PPM1L: variants seen among roughly 807,000 people sequenced by gnomAD.
The protein encoded by PPM1L is protein phosphatase, Mg2+/Mn2+ dependent 1L, also known as protein phosphatase 1L.
In PPM1L, 13 loss-of-function variants were observed where a neutral mutation model predicts 31.4. That is an observed-to-expected ratio of 0.41 (90% CI 0.27 to 0.66). PPM1L has a LOEUF of 0.66. Among genes scored for constraint, PPM1L ranks in the 30% least tolerant of loss-of-function variants. PPM1L has a pLI of 0.29. For synonymous variants in PPM1L, 184 were observed against 175.4 expected, an observed-to-expected ratio of 1.05 and a Z score of -0.39; for missense variants, 326 against 453.7, an observed-to-expected ratio of 0.72 and a Z score of 2.56.
intron 2 of PPM1L, among the ~76,000 whole-genome samples, chr3:161,014,287 A>G (rs1401948063): frequency 2.0e-5 from 3 of 152,156 alleles, no homozygotes; most frequent in Admixed American, 2.0e-4. Flanking sequence ...ACTGTGATTT[A>G]TCTTTTCCTA....
intron 2 of PPM1L, among the ~76,000 whole-genome samples, chr3:161,017,944 A>G (rs1462261885): frequency 3.3e-5 from 5 of 152,140 alleles, no homozygotes; most frequent in South Asian, 4.1e-4. Flanking sequence ...AATTTCCCCT[A>G]TTACCCTAAC....
At chr3:160,780,588 A>G (rs1315357285) in intron 1 of PPM1L, among the ~76,000 whole-genome samples, 6 of 152,356 alleles carry the variant, frequency 3.9e-5, no homozygotes, top group South Asian at 2.1e-4. Context: ...AGCTTTCATG[A>G]CAGTACCCTT....
At chr3:160,987,297 C>T (rs1716996008) in intron 2 of PPM1L, among the ~76,000 whole-genome samples, 1 of 152,116 alleles carries the variant, frequency 6.6e-6, no homozygotes, top group South Asian at 2.1e-4. Context: ...GACCACTGAG[C>T]ATATGAAAGG....
intron 1 of PPM1L, among the ~76,000 whole-genome samples, chr3:160,779,260 G>C (rs1303304940): frequency 3.3e-5 from 5 of 152,152 alleles, no homozygotes; most frequent in African/African-American, 1.2e-4. Flanking sequence ...TGTCAGTTCT[G>C]CTTTATCACT....
intron 1 of PPM1L, among the ~76,000 whole-genome samples, chr3:160,776,032 C>T (rs1347132042): frequency 6.6e-6 from 1 of 151,332 alleles, no homozygotes; most frequent in Non-Finnish European, 1.5e-5. Context: ...TGTGGGAATA[C>T]CTTAGAAAGG....
At chr3:160,871,375 C>T (rs12630385) in intron 1 of PPM1L, among the ~76,000 whole-genome samples, 2,235 of 152,078 alleles carry the variant, frequency 0.015, 52 homozygotes, top group East Asian at 0.054. Flanking sequence ...TCAAAAAGGT[C>T]TTCATGCACA....
intron 1 of PPM1L, among the ~76,000 whole-genome samples, chr3:160,948,901 G>C (rs1715491563): frequency 2.0e-5 from 3 of 152,070 alleles, no homozygotes; most frequent in Non-Finnish European, 4.4e-5. Context: ...AAATACACAT[G>C]TCTAGACCTT....
At chr3:160,873,336 A>G (rs1440058458) in intron 1 of PPM1L, among the ~76,000 whole-genome samples, 1 of 152,220 alleles carries the variant, frequency 6.6e-6, no homozygotes, top group Non-Finnish European at 1.5e-5. Flanking sequence ...TTCTGGGCTA[A>G]TTAGATGCTT....
rs536509400 is a variant in PPM1L at position 160,835,794 on chromosome 3, G to C, written c.399+79087G>C. 5.9e-5 allele frequency among the ~76,000 whole-genome samples: 9 copies of C among 152,108 alleles called. No individual in the cohort carries two copies. The South Asian group carries it at 1.9e-3, about 32-fold the overall frequency. On this transcript the variant is annotated intron_variant, in intron 1 of 3. Transcript: ENST00000498165. ...TGGATGTGAATATATTTTTGAGTAG[G>C]GAATATGATCAAGAGTTCTATAGTA...
intron 1 of PPM1L, among the ~76,000 whole-genome samples, chr3:160,786,157 C>G (rs28883569): frequency 0.35 from 24,217 of 68,982 alleles, 5,435 homozygotes; most frequent in African/African-American, 0.62. Context: ...CTCTCTCTCT[C>G]TGTGTGTGTG....
chr3:161,064,662 G>T (rs1406451526), intron 2 of PPM1L, among the ~76,000 whole-genome samples: 2 of 152,140 alleles, frequency 1.3e-5, no homozygotes, highest in Non-Finnish European at 1.5e-5. Context: ...AACTCTGTTT[G>T]CTTTTATCCA....
chr3:160,879,023 G>T (rs1483782035), intron 1 of PPM1L, among the ~76,000 whole-genome samples: 1 of 152,170 alleles, frequency 6.6e-6, no homozygotes, highest in Admixed American at 6.5e-5. Context: ...TTTGCTTGAG[G>T]ATAGTGAGGA....
chr3:160,818,534 G>A (rs141983414), intron 1 of PPM1L, among the ~76,000 whole-genome samples: 50 of 152,058 alleles, frequency 3.3e-4, no homozygotes, highest in Non-Finnish European at 6.3e-4. Context: ...ATAACCAGAC[G>A]ATAGGGTTTA....
At chr3:161,006,520 G>A (rs892672681) in intron 2 of PPM1L, among the ~76,000 whole-genome samples, 3 of 152,040 alleles carry the variant, frequency 2.0e-5, no homozygotes, top group African/African-American at 7.2e-5. Flanking sequence ...CATAATAAAA[G>A]ATAAAAAAGT....
chr3:160,873,003 A>G (rs1486236438), intron 1 of PPM1L, among the ~76,000 whole-genome samples: 2 of 152,214 alleles, frequency 1.3e-5, no homozygotes, highest in Non-Finnish European at 2.9e-5. Flanking sequence ...GTAACTTTGT[A>G]TTCAGAAGTT....
chr3:160,870,045 G>C (rs1242208159), intron 1 of PPM1L, among the ~76,000 whole-genome samples: 1 of 152,094 alleles, frequency 6.6e-6, no homozygotes, highest in East Asian at 1.9e-4. Flanking sequence ...AATTTGCCCT[G>C]AGGACAAGGT....
chr3:160,820,563 C>T (rs1371418615), intron 1 of PPM1L, among the ~76,000 whole-genome samples: 1 of 152,002 alleles, frequency 6.6e-6, no homozygotes, highest in African/African-American at 2.4e-5. Context: ...TACTTAACAA[C>T]TTTTACTACA....
At chr3:161,020,008 C>G (rs749829179) in intron 2 of PPM1L, among the ~76,000 whole-genome samples, 2 of 151,854 alleles carry the variant, frequency 1.3e-5, no homozygotes, top group African/African-American at 2.4e-5. Context: ...TGCCTGTAAT[C>G]CTAGCTACTC....
At chr3:161,057,639 G>T (rs777728407) in intron 2 of PPM1L, among the ~76,000 whole-genome samples, 2 of 152,042 alleles carry the variant, frequency 1.3e-5, no homozygotes, top group African/African-American at 4.8e-5. Flanking sequence ...AATCAGGAGA[G>T]TTCATACAAA....
Sources: gnomAD v4.1 joint callset for allele counts (sites outside exome capture counted in the v4.1 genomes callset) on GRCh38, gnomAD v4.1.1 for gene constraint, MANE v1.5 for transcripts, NCBI Gene and HGNC (gene_info 2026-07-23, HGNC 2026-07-21) for gene names.